The following PRTG variants were observed in gnomAD, a reference collection of about 807,000 sequenced individuals.
PRTG encodes protogenin.
Under a neutral mutation model 122.5 loss-of-function variants are expected in PRTG, and 67 were observed. The ratio of observed to expected loss-of-function variants is 0.55; its 90% CI spans 0.45 to 0.67. The LOEUF (loss-of-function observed/expected upper bound fraction) is 0.67, where lower values mean the gene tolerates loss of function less well. PRTG is among the 30% of genes least tolerant of loss of function. PRTG has a pLI of 0.00. For missense variants in PRTG, 1,435 were observed against 1,415.4 expected (o/e 1.01, Z -0.22); for synonymous variants, 554 against 501.1 (o/e 1.11, Z -1.41).
chr15:55,717,622 T>A (rs2030646950), intron 2 of PRTG, among the ~76,000 whole-genome samples: 1 of 152,242 alleles, frequency 6.6e-6, no homozygotes. Context: ...TATTATGTAG[T>A]GGGACACAAT....
intron 2 of PRTG, among the ~76,000 whole-genome samples, chr15:55,701,140 G>A (rs1473877416): frequency 6.6e-6 from 1 of 152,186 alleles, no homozygotes; most frequent in Non-Finnish European, 1.5e-5. Flanking sequence ...GTGAGGATAT[G>A]GAGTACCTGG....
intron 13 of PRTG, among the ~76,000 whole-genome samples, chr15:55,639,035 G>T (rs2059274528): frequency 6.6e-6 from 1 of 152,044 alleles, no homozygotes; most frequent in African/African-American, 2.4e-5. Context: ...GCAGTAGTGG[G>T]ATCATAGCTC....
Position 55,685,569 on chromosome 15 carries a change from C to A in PRTG, c.398-1638G>T, listed in dbSNP as rs76847751. ...GTTGAGGCAGACACATATGAGAACC[C>A]AGCTGTCTTCTATTAAGCTAACTAA... On this transcript the variant is annotated intron_variant, in intron 2 of 19. Transcript: ENST00000389286. 8.8e-3 allele frequency among the ~76,000 whole-genome samples: 1,333 copies of A among 152,204 alleles called. 14 individuals are homozygous for A. Among genetic ancestry groups the A allele is most frequent in the African/African-American group, 0.025 (1,047 of 41,538 alleles).
rs2059486466 is a variant in PRTG, at chr15:55,673,664, G to A, written c.1559C>T (p.Pro520Leu). The change falls in exon 10 of 20, where the codon CCT becomes CTT. Residue 520 changes from proline to leucine, a missense_variant. Transcript: ENST00000389286. ...QNTLEDVPLR[P>L]PEISLTSRSP... is the part of the protein sequence containing the mutation. The stretch of plus-strand genomic sequence containing the variant: ...TCGACTTGTCAAACTAATTTCAGGA[G>A]GTCTCAGGGGAACTAGTCATAGAAG... 2 of 1,613,348 alleles carry A rather than the reference G, an allele frequency of 1.2e-6. No homozygotes were observed. The highest frequency in any genetic ancestry group is 2.2e-5 in the East Asian group (1 of 44,878).
chr15:55,679,051 T>C (rs755704081), intron 7 of PRTG, among the ~76,000 whole-genome samples: 1 of 152,194 alleles, frequency 6.6e-6, no homozygotes, highest in African/African-American at 2.4e-5. Context: ...CTGTGTAACA[T>C]GCATTTTATT....
At chr15:55,627,492 GTTT>G (rs35022592) in intron 16 of PRTG, among the ~76,000 whole-genome samples, 5 of 104,782 alleles carry the variant, frequency 4.8e-5, no homozygotes, top group African/African-American at 3.9e-5. Context: ...GCCCAGCTAA[GTTT>G]TTTTTTTTTT....
chr15:55,738,907 G>A (rs1428465316), intron 2 of PRTG, among the ~76,000 whole-genome samples: 3 of 137,266 alleles, frequency 2.2e-5, no homozygotes, highest in Non-Finnish European at 4.7e-5. Context: ...AAGGGGGAAG[G>A]GAAGGGGGAG....
At position 55,656,201 on chromosome 15, in the gene PRTG, A is replaced by G. The variant is rs1255497312; in HGVS notation, c.2042-14993T>C. 5 of 293,710 alleles carry G rather than the reference A, an allele frequency of 1.7e-5. No homozygotes were observed. In the East Asian group the frequency reaches 5.0e-4, roughly 29 times the overall value. 18.2% of individuals were successfully genotyped at this position (293,710 alleles called of 1,614,324 possible). A position where few individuals can be genotyped will look rare whatever the true frequency, so the allele number is the denominator to read the frequency against. ...TTCTTTATAACTGCTTTTCCCCACA[A>G]GAATCCAGGATTACACGCTCCACAT... On this transcript the variant is annotated intron_variant, in intron 11 of 19. Coordinates refer to ENST00000389286, the MANE Select transcript of PRTG (RefSeq NM_173814.6).
chr15:55,710,683 G>C (rs1432850829), intron 2 of PRTG, among the ~76,000 whole-genome samples: 1 of 151,164 alleles, frequency 6.6e-6, no homozygotes, highest in Non-Finnish European at 1.5e-5. Context: ...ACCTCTAAAA[G>C]CCTTCTCTAT....
At chr15:55,688,572 A>G (rs903032106) in intron 2 of PRTG, among the ~76,000 whole-genome samples, 9 of 152,336 alleles carry the variant, frequency 5.9e-5, no homozygotes, top group African/African-American at 2.2e-4. Flanking sequence ...GCAGTGGCTC[A>G]TGCCTGTAAT....
chr15:55,737,347 TG>T (rs1650910076), intron 2 of PRTG, among the ~76,000 whole-genome samples: 1 of 152,186 alleles, frequency 6.6e-6, no homozygotes, highest in African/African-American at 2.4e-5. Flanking sequence ...CTTTTAAAAA[TG>T]GGATGCCTTA....
intron 2 of PRTG, among the ~76,000 whole-genome samples, chr15:55,689,240 G>A (rs1488275877): frequency 6.6e-6 from 1 of 152,040 alleles, no homozygotes; most frequent in Non-Finnish European, 1.5e-5. Context: ...AACCAACAAG[G>A]AAATAATCTC....
At chr15:55,722,855 C>G (rs1295705054) in intron 2 of PRTG, among the ~76,000 whole-genome samples, 1 of 152,136 alleles carries the variant, frequency 6.6e-6, no homozygotes, top group Non-Finnish European at 1.5e-5. Context: ...GAATTAAGAG[C>G]CTCCAGGAAG....
At chr15:55,630,009 C>T (rs1279369235) in intron 15 of PRTG, among the ~76,000 whole-genome samples, 2 of 139,262 alleles carry the variant, frequency 1.4e-5, no homozygotes, top group African/African-American at 2.7e-5. Flanking sequence ...TTTTTTGAGA[C>T]GGAGTCTCAC....
At chr15:55,708,873 A>G (rs1324157229) in intron 2 of PRTG, among the ~76,000 whole-genome samples, 1 of 151,972 alleles carries the variant, frequency 6.6e-6, no homozygotes, top group Non-Finnish European at 1.5e-5. Context: ...GGCCGGGTGC[A>G]GTGACTCATG....
intron 9 of PRTG, among the ~76,000 whole-genome samples, chr15:55,674,201 G>C (rs1219497408): frequency 6.6e-6 from 1 of 152,156 alleles, no homozygotes; most frequent in East Asian, 1.9e-4. Context: ...TCAGGAAAAT[G>C]AGTCAAATAC....
intron 11 of PRTG, among the ~76,000 whole-genome samples, chr15:55,648,395 G>T (rs1272265346): frequency 6.6e-6 from 1 of 152,132 alleles, no homozygotes; most frequent in Non-Finnish European, 1.5e-5. Context: ...CATTCTAACT[G>T]CATATGATCT....
intron 11 of PRTG, among the ~76,000 whole-genome samples, chr15:55,661,895 TAA>T (rs11351086): frequency 0.015 from 2,269 of 147,476 alleles, 71 homozygotes; most frequent in African/African-American, 0.051. Context: ...GCTTAATACT[TAA>T]AAAAAAAAAA....
intron 2 of PRTG, among the ~76,000 whole-genome samples, chr15:55,729,573 C>A: frequency 6.6e-6 from 1 of 150,830 alleles, no homozygotes; most frequent in African/African-American, 2.4e-5. Context: ...CTGGGCATAG[C>A]AAGATTCTGC....
Sources: allele counts gnomAD v4.1 joint callset (sites outside exome capture counted in the v4.1 genomes callset), GRCh38; gene constraint gnomAD v4.1.1; transcripts MANE v1.5; gene names NCBI Gene and HGNC (gene_info 2026-07-23, HGNC 2026-07-21).